The following NKAIN2 variants were observed in gnomAD, a reference collection of about 807,000 sequenced individuals.
The protein encoded by NKAIN2 is sodium/potassium-transporting ATPase subunit beta-1-interacting protein 2.
NKAIN2 carries 14 observed loss-of-function variants against 32.6 expected under a neutral mutation model. That is an observed-to-expected ratio of 0.43 (90% confidence interval 0.28 to 0.67). NKAIN2 has a LOEUF of 0.67. Among genes scored for constraint, NKAIN2 ranks in the 30% least tolerant of loss-of-function variants. The pLI, the probability that NKAIN2 is intolerant of heterozygous loss-of-function variation, is 0.17. For missense variants in NKAIN2, 198 were observed against 258.3 expected, an observed-to-expected ratio of 0.77 and a Z score of 1.60; for synonymous variants, 80 against 87.2, an observed-to-expected ratio of 0.92 and a Z score of 0.46.
intron 3 of NKAIN2, among the ~76,000 whole-genome samples, chr6:124,512,543 G>A (rs1173353509): frequency 6.6e-6 from 1 of 152,110 alleles, no homozygotes; most frequent in Admixed American, 6.6e-5. Context: ...AATTAAAATA[G>A]CTCTAAGGAC....
intron 1 of NKAIN2, among the ~76,000 whole-genome samples, chr6:123,923,151 A>T (rs920055528): frequency 6.6e-6 from 1 of 152,182 alleles, no homozygotes; most frequent in Non-Finnish European, 1.5e-5. Context: ...AGACAAAAAA[A>T]ACCCACAAAC....
At chr6:124,019,600 A>G (rs545893679) in intron 1 of NKAIN2, among the ~76,000 whole-genome samples, 1 of 152,252 alleles carries the variant, frequency 6.6e-6, no homozygotes, top group Non-Finnish European at 1.5e-5. Context: ...TTTTTTTGCA[A>G]GAAAAAATAT....
intron 4 of NKAIN2, among the ~76,000 whole-genome samples, chr6:124,686,499 T>C (rs1773885987): frequency 1.3e-5 from 2 of 152,080 alleles, no homozygotes; most frequent in South Asian, 4.2e-4. Flanking sequence ...CCAGATCTCA[T>C]AGAACCCTAT....
chr6:123,992,202 CAA>C (rs1185539138), intron 1 of NKAIN2, among the ~76,000 whole-genome samples: 1 of 151,930 alleles, frequency 6.6e-6, no homozygotes, highest in African/African-American at 2.4e-5. Flanking sequence ...GAATGATGTT[CAA>C]GAGAGAGAAA....
At chr6:124,405,718 G>A (rs773367965) in intron 3 of NKAIN2, among the ~76,000 whole-genome samples, 10 of 151,890 alleles carry the variant, frequency 6.6e-5, no homozygotes, top group Non-Finnish European at 1.5e-4. Context: ...GGAAACCCAA[G>A]TGAATTATCC....
At chr6:123,874,952 A>T (rs909204301) in intron 1 of NKAIN2, among the ~76,000 whole-genome samples, 1 of 152,052 alleles carries the variant, frequency 6.6e-6, no homozygotes, top group Non-Finnish European at 1.5e-5. Flanking sequence ...TATATAAAGG[A>T]TATGAATATT....
At chr6:124,040,705 C>T (rs1781830690) in intron 1 of NKAIN2, among the ~76,000 whole-genome samples, 2 of 151,936 alleles carry the variant, frequency 1.3e-5, no homozygotes, top group African/African-American at 2.4e-5. Context: ...TCTGGGACTT[C>T]CTATATATGC....
chr6:123,814,282 A>C (rs577610518), intron 1 of NKAIN2, among the ~76,000 whole-genome samples: 50 of 152,320 alleles, frequency 3.3e-4, no homozygotes, highest in African/African-American at 1.2e-3. Flanking sequence ...TTCATAGATT[A>C]ATTTTCTTAA....
intron 1 of NKAIN2, among the ~76,000 whole-genome samples, chr6:124,039,096 T>C (rs1781744093): frequency 6.6e-6 from 1 of 152,126 alleles, no homozygotes; most frequent in South Asian, 2.1e-4. Flanking sequence ...AAAAAAGTTT[T>C]ATAGTATTTA....
At chr6:124,334,340 A>C (rs1010106275) in intron 2 of NKAIN2, among the ~76,000 whole-genome samples, 12 of 152,340 alleles carry the variant, frequency 7.9e-5, no homozygotes, top group Non-Finnish European at 1.3e-4. Flanking sequence ...GACAGAGTCG[A>C]TTTATCCGGA....
chr6:124,722,717 CTG>C (rs1776083173), intron 4 of NKAIN2, among the ~76,000 whole-genome samples: 1 of 152,188 alleles, frequency 6.6e-6, no homozygotes, highest in Non-Finnish European at 1.5e-5. Flanking sequence ...GACTAGTTCC[CTG>C]GGGAAAGGGG....
chr6:124,375,703 C>T (rs1799961575), intron 3 of NKAIN2, among the ~76,000 whole-genome samples: 1 of 151,892 alleles, frequency 6.6e-6, no homozygotes, highest in South Asian at 2.1e-4. Flanking sequence ...AAACTATCAG[C>T]TCACGAGAAA....
At chr6:124,071,425 T>C (rs1339474934) in intron 1 of NKAIN2, among the ~76,000 whole-genome samples, 2 of 152,050 alleles carry the variant, frequency 1.3e-5, no homozygotes, top group African/African-American at 2.4e-5. Context: ...AATAATTTAT[T>C]ATTACTAAGT....
intron 2 of NKAIN2, among the ~76,000 whole-genome samples, chr6:124,330,487 A>G (rs1416979127): frequency 6.6e-6 from 1 of 152,192 alleles, no homozygotes; most frequent in Non-Finnish European, 1.5e-5. Context: ...GAATTGAGAC[A>G]AGGACCTGGT....
chr6:123,892,058 G>A (rs977039126), intron 1 of NKAIN2, among the ~76,000 whole-genome samples: 4 of 152,150 alleles, frequency 2.6e-5, no homozygotes, highest in African/African-American at 9.7e-5. Context: ...CTGGAAGAGA[G>A]AGAAAATGGT....
At chr6:124,471,148 T>A (rs1776956989) in intron 3 of NKAIN2, among the ~76,000 whole-genome samples, 1 of 152,196 alleles carries the variant, frequency 6.6e-6, no homozygotes, top group South Asian at 2.1e-4. Context: ...ATTTTTGCTT[T>A]CCTTGCTTTT....
At chr6:124,389,750 T>G (rs903160337) in intron 3 of NKAIN2, among the ~76,000 whole-genome samples, 17 of 148,716 alleles carry the variant, frequency 1.1e-4, no homozygotes, top group Non-Finnish European at 2.2e-4. Context: ...TGTGTGTGTG[T>G]GGGTTTGAAT....
chr6:123,845,891 C>T (rs562576060), intron 1 of NKAIN2, among the ~76,000 whole-genome samples: 11 of 152,286 alleles, frequency 7.2e-5, no homozygotes, highest in Admixed American at 4.6e-4. Context: ...TTCTATTATT[C>T]ATCTAACATA....
At chr6:123,911,085 A>G (rs1218573351) in intron 1 of NKAIN2, among the ~76,000 whole-genome samples, 1 of 152,082 alleles carries the variant, frequency 6.6e-6, no homozygotes, top group Non-Finnish European at 1.5e-5. Context: ...TTCTCATTTT[A>G]TATACATAGG....
Sources: allele counts gnomAD v4.1 joint callset (sites outside exome capture counted in the v4.1 genomes callset), GRCh38; gene constraint gnomAD v4.1.1; transcripts MANE v1.5; gene names NCBI Gene and HGNC (gene_info 2026-07-23, HGNC 2026-07-21).